The following CTNNBL1 variants were observed in gnomAD, a reference collection of about 807,000 sequenced individuals.
The protein encoded by CTNNBL1 is catenin beta like 1, also known as beta-catenin-like protein 1.
In CTNNBL1, 31 loss-of-function variants were observed where a neutral mutation model predicts 72.7. That is an observed-to-expected ratio of 0.43 (90% CI 0.32 to 0.58). The LOEUF is 0.58. Among genes scored for constraint, CTNNBL1 ranks in the 20% least tolerant of loss-of-function variants. The probability of loss-of-function intolerance (pLI) is 0.08; values close to 1 mark genes in which losing one functional copy is unlikely to be tolerated. For synonymous variants in CTNNBL1, 240 were observed against 267.3 expected (o/e 0.90, Z 1.00); for missense variants, 534 against 725.1 (o/e 0.74, Z 3.03).
intron 5 of CTNNBL1, among the ~76,000 whole-genome samples, chr20:37,763,003 G>T (rs2073432044): frequency 6.6e-6 from 1 of 152,148 alleles, no homozygotes. Context: ...GCAGAGATGG[G>T]AAACATAACT....
rs1600521166 is a variant in CTNNBL1 at position 37,840,118 on chromosome 20, C to T, written c.1230C>T (p.Ile410=). Residue 410 remains isoleucine, a synonymous_variant, in exon 12 of 16, where the codon ATC becomes ATT. Coordinates refer to ENST00000361383, the MANE Select transcript of CTNNBL1 (RefSeq NM_030877.5). ...EKEHEEHVCS[I]LASLLRNLRG... ...CCAACCCAGAGCATGTCTGTTCGAT[C>T]CTGGCTTCCCTCCTGCGGAACCTGA... is the stretch of plus-strand genomic sequence containing the variant. 1.9e-6 allele frequency: 3 copies of T among 1,613,734 alleles called. No homozygotes were observed. In the East Asian group the frequency reaches 6.7e-5, roughly 36 times the overall value.
chr20:37,816,621 T>C (rs574374909), intron 11 of CTNNBL1, among the ~76,000 whole-genome samples: 32 of 152,330 alleles, frequency 2.1e-4, no homozygotes, highest in Non-Finnish European at 3.5e-4. Context: ...TTGTGGTGTG[T>C]ATTACATTCA....
rs963701988 is a variant in CTNNBL1, at chr20:37,870,297, T to A, written c.1604-1628T>A. On this transcript the variant is annotated intron_variant, in intron 15 of 15. Transcript: ENST00000361383. Reference sequence around the variant, plus strand: ...GAGACATAGGAGGGGTCTTCCATGCTCCAGTACTTCTAGACTATTCTCTCT... The same window carrying A: ...GAGACATAGGAGGGGTCTTCCATGCACCAGTACTTCTAGACTATTCTCTCT... Among the ~76,000 whole-genome samples, 10 of 152,088 alleles carry A rather than the reference T, an allele frequency of 6.6e-5. 1 individual carries two copies. The South Asian group carries it at 1.9e-3, about 29-fold the overall frequency.
intron 5 of CTNNBL1, among the ~76,000 whole-genome samples, chr20:37,763,390 C>A (rs550734261): frequency 5.9e-5 from 9 of 152,206 alleles, no homozygotes; most frequent in Non-Finnish European, 1.3e-4. Flanking sequence ...GCTCCCAAAT[C>A]TGGCATCAGT....
At chr20:37,729,852 A>G (rs1429071795) in intron 1 of CTNNBL1, among the ~76,000 whole-genome samples, 1 of 152,160 alleles carries the variant, frequency 6.6e-6, no homozygotes, top group East Asian at 1.9e-4. Context: ...GGTTACTGGC[A>G]TGTTGCTTTC....
intron 11 of CTNNBL1, among the ~76,000 whole-genome samples, chr20:37,812,573 A>G (rs529002874): frequency 6.6e-6 from 1 of 152,322 alleles, no homozygotes; most frequent in South Asian, 2.1e-4. Flanking sequence ...CCCATTCTAG[A>G]CTGCCCTTGC....
At chr20:37,738,780 C>A (rs2073190529) in intron 3 of CTNNBL1, among the ~76,000 whole-genome samples, 1 of 152,184 alleles carries the variant, frequency 6.6e-6, no homozygotes, top group African/African-American at 2.4e-5. Flanking sequence ...CTTGAAGATT[C>A]ATTTTTATTA....
intron 10 of CTNNBL1, among the ~76,000 whole-genome samples, chr20:37,780,797 T>A (rs1428268943): frequency 1.3e-4 from 20 of 152,216 alleles, no homozygotes; most frequent in Non-Finnish European, 2.4e-4. Context: ...AAATGATGTA[T>A]AATGAAACCA....
chr20:37,730,660 CCTT>C (rs1488107312), intron 1 of CTNNBL1, among the ~76,000 whole-genome samples: 2 of 152,180 alleles, frequency 1.3e-5, no homozygotes, highest in African/African-American at 4.8e-5. Flanking sequence ...AACAGTAAGA[CCTT>C]CTTCATGGAT....
At chr20:37,870,738 G>A (rs1162625988) in intron 15 of CTNNBL1, among the ~76,000 whole-genome samples, 2 of 152,064 alleles carry the variant, frequency 1.3e-5, no homozygotes, top group East Asian at 1.9e-4. Flanking sequence ...AGGACCCACC[G>A]CACAGAAAGG....
intron 11 of CTNNBL1, among the ~76,000 whole-genome samples, chr20:37,814,690 A>T (rs888128523): frequency 2.0e-5 from 3 of 152,190 alleles, no homozygotes; most frequent in African/African-American, 7.2e-5. Context: ...CCAAGCATCT[A>T]TATTTTTAAA....
At chr20:37,807,331 AC>A (rs1192064891) in intron 11 of CTNNBL1, among the ~76,000 whole-genome samples, 1 of 152,152 alleles carries the variant, frequency 6.6e-6, no homozygotes, top group Non-Finnish European at 1.5e-5. Flanking sequence ...ACCTCTGCCC[AC>A]CCTGGCTTTA....
chr20:37,767,731 T>A (rs2073483407), intron 6 of CTNNBL1, among the ~76,000 whole-genome samples: 1 of 152,238 alleles, frequency 6.6e-6, no homozygotes, highest in Non-Finnish European at 1.5e-5. Flanking sequence ...TTAGCTCTTT[T>A]GTGAGTTCCA....
chr20:37,871,386 G>T (rs374735661), intron 15 of CTNNBL1, among the ~76,000 whole-genome samples: 3 of 152,220 alleles, frequency 2.0e-5, no homozygotes, highest in East Asian at 3.9e-4. Flanking sequence ...GAGGCGGGGG[G>T]TCCAAGAGCA....
At chr20:37,852,466 C>G (rs921641286) in intron 13 of CTNNBL1, among the ~76,000 whole-genome samples, 1 of 152,176 alleles carries the variant, frequency 6.6e-6, no homozygotes, top group Non-Finnish European at 1.5e-5. Flanking sequence ...TGTCCTGTTG[C>G]GGTGGTGAAG....
At chr20:37,706,324 T>C (rs2072884466) in intron 1 of CTNNBL1, among the ~76,000 whole-genome samples, 1 of 152,260 alleles carries the variant, frequency 6.6e-6, no homozygotes, top group Non-Finnish European at 1.5e-5. Context: ...TCATAGCGTT[T>C]TACCCACAGT....
At chr20:37,745,799 C>G (rs571770600) in intron 3 of CTNNBL1, among the ~76,000 whole-genome samples, 4 of 152,306 alleles carry the variant, frequency 2.6e-5, no homozygotes, top group African/African-American at 9.6e-5. Context: ...ATGTCAAACA[C>G]CGGGGGAGGG....
At chr20:37,764,840 C>T (rs1317726582) in intron 5 of CTNNBL1, among the ~76,000 whole-genome samples, 8 of 152,252 alleles carry the variant, frequency 5.3e-5, no homozygotes, top group Admixed American at 2.6e-4. Flanking sequence ...ATGGCATTCT[C>T]GTAAGGTAGT....
intron 11 of CTNNBL1, among the ~76,000 whole-genome samples, chr20:37,833,062 C>CT (rs1167472552): frequency 6.6e-6 from 1 of 152,124 alleles, no homozygotes; most frequent in Non-Finnish European, 1.5e-5. Context: ...TCTCAAATGT[C>CT]TGTCATGATT....
Sources: gnomAD v4.1 joint callset for allele counts (sites outside exome capture counted in the v4.1 genomes callset) on GRCh38, gnomAD v4.1.1 for gene constraint, MANE v1.5 for transcripts, NCBI Gene and HGNC (gene_info 2026-07-23, HGNC 2026-07-21) for gene names.